Variants in SNX6 observed in about 807,000 individuals in gnomAD.
SNX6 encodes sorting nexin 6.
SNX6 carries 34 observed loss-of-function variants against 63.0 expected under a neutral mutation model. The ratio of observed to expected loss-of-function variants is 0.54; its 90% CI spans 0.41 to 0.72. The LOEUF is 0.72. Among genes scored for constraint, SNX6 ranks in the 30% least tolerant of loss-of-function variants. The probability of loss-of-function intolerance (pLI) is 0.00; values close to 1 mark genes in which losing one functional copy is unlikely to be tolerated. For synonymous variants in SNX6, 170 were observed against 164.2 expected (o/e 1.04, Z -0.27); for missense variants, 398 against 471.4 (o/e 0.84, Z 1.44).
chr14:34,602,363 T>C (rs1882848125), intron 6 of SNX6, among the ~76,000 whole-genome samples: 1 of 151,494 alleles, frequency 6.6e-6, no homozygotes, highest in African/African-American at 2.4e-5. Context: ...GAGGCAGAGG[T>C]TGTGGGTGAG....
chr14:34,568,634 G>A (rs1594691755), intron 11 of SNX6: 4 of 625,776 alleles, frequency 6.4e-6, no homozygotes, highest in African/African-American at 2.0e-5. Flanking sequence ...CACTCAGCCT[G>A]TTTTTTTTTT....
intron 3 of SNX6, among the ~76,000 whole-genome samples, chr14:34,608,367 T>C (rs1482899472): frequency 6.6e-6 from 1 of 152,162 alleles, no homozygotes; most frequent in Non-Finnish European, 1.5e-5. Flanking sequence ...CTCACTAAGA[T>C]GCCCAGGCTG....
At chr14:34,581,885 A>AC (rs1881951223) in intron 9 of SNX6, among the ~76,000 whole-genome samples, 1 of 151,962 alleles carries the variant, frequency 6.6e-6, no homozygotes, top group Non-Finnish European at 1.5e-5. Flanking sequence ...ACGGAGTGCA[A>AC]CTGCGCAATC....
At chr14:34,582,904 A>G (rs1046368831) in intron 9 of SNX6, among the ~76,000 whole-genome samples, 2 of 150,528 alleles carry the variant, frequency 1.3e-5, no homozygotes, top group Non-Finnish European at 3.0e-5. Context: ...ACTTGAGGCC[A>G]GGAGTTTGAG....
intron 2 of SNX6, among the ~76,000 whole-genome samples, chr14:34,619,469 T>G (rs536449833): frequency 2.9e-4 from 44 of 150,132 alleles, no homozygotes; most frequent in African/African-American, 6.2e-4. Flanking sequence ...GAGAGAGAGA[T>G]AGAATAAATA....
chr14:34,584,567 G>A (rs1882072888), intron 9 of SNX6, among the ~76,000 whole-genome samples: 1 of 151,924 alleles, frequency 6.6e-6, no homozygotes, highest in Non-Finnish European at 1.5e-5. Context: ...CACCTTCAAT[G>A]AAATACATAA....
chr14:34,626,407 C>T (rs1330152724), intron 2 of SNX6, among the ~76,000 whole-genome samples: 2 of 151,610 alleles, frequency 1.3e-5, no homozygotes, highest in African/African-American at 2.4e-5. Flanking sequence ...GTAATTCCAG[C>T]ACTTTGGGAG....
chr14:34,624,902 T>C (rs1782164744), intron 2 of SNX6, among the ~76,000 whole-genome samples: 1 of 152,228 alleles, frequency 6.6e-6, no homozygotes, highest in Admixed American at 6.5e-5. Context: ...ATGTACTTCA[T>C]GCTTTTTCTG....
At chr14:34,590,983 T>C (rs1417593565) in intron 8 of SNX6, among the ~76,000 whole-genome samples, 1 of 152,210 alleles carries the variant, frequency 6.6e-6, no homozygotes, top group African/African-American at 2.4e-5. Flanking sequence ...GAATACATAC[T>C]GTATGATTCA....
Position 34,626,102 on chromosome 14 carries a change from T to G in SNX6, c.54+3805A>C, listed in dbSNP as rs538650447. ...GCTTTAGAGGGATGATGAAATATAA[T>G]GAAATATAAATATAATGAAACAATG... On this transcript the variant is annotated intron_variant, in intron 2 of 13. Transcript: ENST00000362031. Among the ~76,000 whole-genome samples, 3 of 152,234 alleles carry G rather than the reference T, an allele frequency of 2.0e-5. No individual in the cohort carries two copies. The South Asian group carries it at 6.2e-4, about 32-fold the overall frequency.
chr14:34,603,323 G>C (rs779500344), intron 6 of SNX6, 25 bp downstream of exon 6: 1 of 1,561,520 alleles, frequency 6.4e-7, no homozygotes, highest in Non-Finnish European at 8.6e-7. Context: ...AAGAAAACTT[G>C]ACCACCAATC....
intron 5 of SNX6, 78 bp downstream of exon 5, chr14:34,605,518 A>C: frequency 8.0e-7 from 1 of 1,243,208 alleles, no homozygotes; most frequent in Non-Finnish European, 1.1e-6. Flanking sequence ...AACACCAAAA[A>C]AGGCATTAAA....
chr14:34,567,801 T>C, intron 12 of SNX6, 30 bp from the exon 13 acceptor site: 1 of 1,612,400 alleles, frequency 6.2e-7, no homozygotes, highest in Non-Finnish European at 8.5e-7. Context: ...ATTATTTAAT[T>C]TACATAATAG....
At chr14:34,578,842 G>A (rs531212558) in intron 10 of SNX6, among the ~76,000 whole-genome samples, 1 of 146,220 alleles carries the variant, frequency 6.8e-6, no homozygotes, top group East Asian at 2.0e-4. Context: ...GGGAGGCTGA[G>A]GCAGGCGAAT....
chr14:34,630,051 C>T lies in SNX6; in HGVS notation c.6+60G>A, dbSNP rs1883984132. On this transcript the variant is annotated intron_variant, in intron 1 of 13. Transcript: ENST00000362031. ...GACAGGCTGGCGCGGTCCCCGCGCC[C>T]GCCCCGCGCCCGCTGCCCCCACCGC... The T allele has an allele frequency of 3.4e-6, 5 of 1,453,686 alleles. No homozygotes were observed. The South Asian group carries it at 6.9e-5, about 20-fold the overall frequency. The allele number at this position is 1,453,686 out of a possible 1,614,324, so 90.0% of individuals were successfully genotyped here.
At chr14:34,599,582 G>A (rs1882727008) in intron 6 of SNX6, among the ~76,000 whole-genome samples, 1 of 150,770 alleles carries the variant, frequency 6.6e-6, no homozygotes, top group Admixed American at 6.6e-5. Flanking sequence ...ATTCCAGCCT[G>A]GACAACAAGA....
intron 4 of SNX6, among the ~76,000 whole-genome samples, chr14:34,606,008 T>C (rs528579572): frequency 2.8e-4 from 42 of 151,482 alleles, no homozygotes; most frequent in Non-Finnish European, 4.7e-4. Context: ...ATCCCGTCTC[T>C]ACCAAAAATA....
intron 13 of SNX6, among the ~76,000 whole-genome samples, chr14:34,567,172 T>TCAAAA (rs748875006): frequency 1.0e-4 from 15 of 150,474 alleles, no homozygotes; most frequent in Non-Finnish European, 2.2e-4. Context: ...TGCGGAGGTC[T>TCAAAA]CAAAACAAAA....
At position 34,608,128 on chromosome 14, in the gene SNX6, T is replaced by G. The variant is rs374118473; in HGVS notation, c.172A>C (p.Asn58His). The G allele has an allele frequency of 6.3e-7, 1 of 1,595,994 alleles. No individual in the cohort carries two copies. Among genetic ancestry groups the G allele is most frequent in the Non-Finnish European group, 8.6e-7 (1 of 1,167,890 alleles). Residue 58 changes from asparagine (N) to histidine (H), a missense_variant, in exon 4 of 14, where the codon AAT (asparagine) becomes CAT (histidine). Asn to His is a moderately conservative substitution (Grantham distance 68, BLOSUM62 1). Coordinates refer to ENST00000362031, the MANE Select transcript of SNX6 (RefSeq NM_152233.4). ...ACTGAAAACTCGTTTTGTTTAAAAT[T>G]TGGCAATGAACTCTGTAAAGATAGA... ...FTVHTKSSLPNFKQNEFSVVR... is the reference protein window; with the variant it reads ...FTVHTKSSLPHFKQNEFSVVR...
Sources: gnomAD v4.1 joint callset for allele counts (sites outside exome capture counted in the v4.1 genomes callset) on GRCh38, gnomAD v4.1.1 for gene constraint, MANE v1.5 for transcripts, NCBI Gene and HGNC (gene_info 2026-07-23, HGNC 2026-07-21) for gene names.